The following SEC24C variants were observed in gnomAD, a reference collection of about 807,000 sequenced individuals.
SEC24C encodes the protein SEC24 homolog C, COPII component.
In SEC24C, 22 loss-of-function variants were observed where a neutral mutation model predicts 117.0. That is an observed-to-expected ratio of 0.19 (90% CI 0.13 to 0.27). The LOEUF (loss-of-function observed/expected upper bound fraction) is 0.27. Among genes scored for constraint, SEC24C ranks in the 10% least tolerant of loss-of-function variants. The pLI is 1.00. For synonymous variants in SEC24C, 506 were observed against 529.4 expected, an observed-to-expected ratio of 0.96 and a Z score of 0.61; for missense variants, 1,155 against 1,375.1, an observed-to-expected ratio of 0.84 and a Z score of 2.53.
intron 1 of SEC24C, among the ~76,000 whole-genome samples, chr10:73,745,108 A>G (rs1246857303): frequency 1.3e-5 from 2 of 152,130 alleles, no homozygotes; most frequent in African/African-American, 2.4e-5. Context: ...CTTCTAGCAA[A>G]GGGGGAGAGG....
chr10:73,757,256 C>A (rs1351650039), intron 3 of SEC24C, among the ~76,000 whole-genome samples: 2 of 141,878 alleles, frequency 1.4e-5, no homozygotes, highest in Non-Finnish European at 3.1e-5. Context: ...TGCAGTGGCT[C>A]ATGCCTGTAG....
Position 73,769,400 on chromosome 10 carries a change from T to C in SEC24C, c.2478T>C (p.Asn826=). The C allele has an allele frequency of 6.2e-7, 1 of 1,614,146 alleles. No individual in the cohort carries two copies. The highest frequency in any genetic ancestry group is 8.5e-7 in the Non-Finnish European group (1 of 1,180,014). ...CAGQRRLRIH[N]LALNCCTQLA... Reference sequence around the variant, plus strand: ...GGCAGCGTCGGCTCCGCATCCATAATCTGGCCCTGAACTGCTGCACCCAGC... The same window carrying C: ...GGCAGCGTCGGCTCCGCATCCATAACCTGGCCCTGAACTGCTGCACCCAGC... Residue 826 remains asparagine (N), a synonymous_variant, in exon 18 of 23, where the codon AAT becomes AAC. Coordinates refer to ENST00000345254, the MANE Select transcript of SEC24C (RefSeq NM_198597.3). This position sits in a 1 kb window ranked among gnomAD's most constrained non-coding sequence, Gnocchi z 4.5.
At chr10:73,757,920 CAAAAAAAAA>C (rs61625607) in intron 3 of SEC24C, among the ~76,000 whole-genome samples, 1 of 38,876 alleles carries the variant, frequency 2.6e-5, no homozygotes, top group African/African-American at 1.2e-4. Context: ...GACCCTGTCT[CAAAAAAAAA>C]AAAAAAAAAA....
intron 1 of SEC24C, among the ~76,000 whole-genome samples, chr10:73,746,358 A>G (rs2082553084): frequency 6.6e-6 from 1 of 152,196 alleles, no homozygotes; most frequent in Non-Finnish European, 1.5e-5. Flanking sequence ...TTGATTTTAA[A>G]TCAATTGTTC....
intron 16 of SEC24C, 22 bp downstream of exon 16, chr10:73,768,928 G>A (rs2132577855): frequency 6.2e-7 from 1 of 1,614,186 alleles, no homozygotes; most frequent in South Asian, 1.1e-5. Flanking sequence ...TTGAAGAGCA[G>A]GTTGGGGGGC....
intron 2 of SEC24C, 58 bp downstream of exon 2, chr10:73,747,062 G>A (rs2082565840): frequency 2.6e-6 from 4 of 1,531,202 alleles, no homozygotes; most frequent in South Asian, 2.5e-5. Context: ...GAGTCTTCAG[G>A]TTGGGTTGTA....
chr10:73,766,738 T>C, intron 12 of SEC24C, 22 bp from the exon 13 acceptor site: 1 of 1,610,456 alleles, frequency 6.2e-7, no homozygotes. Flanking sequence ...TTTTGGTTGT[T>C]TTCCGTCACC....
At chr10:73,766,987 T>A in intron 13 of SEC24C, 67 bp from the exon 14 acceptor site, 1 of 1,435,498 alleles carries the variant, frequency 7.0e-7, no homozygotes, top group Non-Finnish European at 9.8e-7. Flanking sequence ...TAGCTGGTGC[T>A]TAATAAATGA....
At chr10:73,766,273 G>A in intron 11 of SEC24C, 63 bp downstream of exon 11, 1 of 1,585,890 alleles carries the variant, frequency 6.3e-7, no homozygotes, top group Non-Finnish European at 8.6e-7. Context: ...GTTGACTGAA[G>A]AAATGTAGCT....
intron 3 of SEC24C, among the ~76,000 whole-genome samples, chr10:73,757,086 A>AT (rs972692778): frequency 2.2e-5 from 3 of 136,648 alleles, no homozygotes; most frequent in African/African-American, 8.3e-5. Context: ...TAATTTTTGT[A>AT]TTTTTTTAGT....
rs1461419244 is a variant in SEC24C at position 73,765,446 on chromosome 10, C to A, written c.1228-5C>A. ...ATGTCTGATCCCTTCCCCTTTGCGC[C>A]TTAGGCTTCACCGTATGTTGTGGAC... On this transcript the variant is annotated splice_polypyrimidine_tract_variant and splice_region_variant and intron_variant, in intron 8 of 22. Coordinates refer to ENST00000345254, the MANE Select transcript of SEC24C (RefSeq NM_198597.3). 1.9e-6 allele frequency: 3 copies of A among 1,608,986 alleles called. No individual in the cohort carries two copies. In the South Asian group the frequency reaches 3.3e-5, roughly 18 times the overall value.
chr10:73,771,413 T>C lies in SEC24C; in HGVS notation c.*318T>C. On this transcript the variant is annotated 3_prime_UTR_variant, in exon 23 of 23. Transcript: ENST00000345254. ...AGGCACCCAGACCCTGGCAATATTA[T>C]GTGTCCCTTTGGACCAGTCTCCCAA... 1 of 288,552 alleles carries C rather than the reference T, an allele frequency of 3.5e-6. No individual in the cohort carries two copies. The highest frequency in any genetic ancestry group is 6.6e-6 in the Non-Finnish European group (1 of 150,850). 17.9% of individuals were successfully genotyped at this position (288,552 alleles called of 1,614,324 possible).
Position 73,763,219 on chromosome 10 carries a change from TG to T in SEC24C, c.988-265del, listed in dbSNP as rs568730206. On this transcript the variant is annotated intron_variant, in intron 6 of 22. Transcript: ENST00000345254. ...GGAATGAGAGGGTGTTCACCATTGA[TG>T]GGGGGTAGGGGGCAATTCATAAAGA... 6.7e-3 allele frequency among the ~76,000 whole-genome samples: 1,024 copies of T among 151,992 alleles called. 11 individuals carry two copies. Among genetic ancestry groups the T allele is most frequent in the African/African-American group, 0.024 (975 of 41,420 alleles).
intron 2 of SEC24C, among the ~76,000 whole-genome samples, chr10:73,747,899 T>C (rs952829879): frequency 1.3e-5 from 2 of 151,956 alleles, no homozygotes; most frequent in African/African-American, 4.8e-5. Flanking sequence ...CCTCAAGTGA[T>C]CCACCCACCT....
chr10:73,760,372 A>C lies in SEC24C; in HGVS notation c.836A>C (p.Gln279Pro). Residue 279 changes from glutamine to proline, a missense_variant, in exon 5 of 23, where the codon CAG (glutamine) becomes CCG (proline). Transcript: ENST00000345254. ...CACTCCCCGCAGCAGCCAGGCTATC[A>C]GCCCCAACAAAATGGTGAGTCTTTC... is the stretch of plus-strand genomic sequence containing the variant. Reference protein sequence around the residue: ...PMHSPQQPGYQPQQNGSFGPA... With the variant: ...PMHSPQQPGYPPQQNGSFGPA... 6.3e-7 allele frequency: 1 copy of C among 1,592,902 alleles called. No homozygotes were observed.
rs1230434651 is a variant in SEC24C at position 73,759,757 on chromosome 10, T to C, written c.444T>C (p.Ala148=). Residue 148 remains alanine, a synonymous_variant, in exon 4 of 23, where the codon GCT becomes GCC. Transcript: ENST00000345254. ...TQLSGMQISG[A]VAPAPPSSGL... ...TGTCTGGAATGCAGATCAGCGGTGC[T>C]GTGGCCCCAGCCCCTCCTTCTTCAG... 2 of 1,603,660 alleles carry C rather than the reference T, an allele frequency of 1.2e-6. No individual in the cohort carries two copies. Among genetic ancestry groups the C allele is most frequent in the Non-Finnish European group, 1.7e-6 (2 of 1,176,746 alleles).
rs1196766375 is a variant in SEC24C, at chr10:73,747,012, T to G, written c.172+8T>G. 2 of 1,609,028 alleles carry G rather than the reference T, an allele frequency of 1.2e-6. No individual in the cohort carries two copies. Among genetic ancestry groups the G allele is most frequent in the South Asian group, 2.2e-5 (2 of 90,064 alleles). ...AGCAAACACCTCCCCAAGGTATGTT[T>G]CTGTTTCTGTTTCCTTTGAGCTAGG... is the stretch of plus-strand genomic sequence containing the variant. On this transcript the variant is annotated splice_region_variant and intron_variant, in intron 2 of 22. Coordinates refer to ENST00000345254, the MANE Select transcript of SEC24C (RefSeq NM_198597.3).
At position 73,769,217 on chromosome 10, in the gene SEC24C, G is replaced by T. The variant is rs1228725883; in HGVS notation, c.2424+65G>T. 6.3e-7 allele frequency: 1 copy of T among 1,599,074 alleles called. No individual in the cohort carries two copies. The highest frequency in any genetic ancestry group is 8.5e-7 in the Non-Finnish European group (1 of 1,172,114). On this transcript the variant is annotated intron_variant, in intron 17 of 22. Transcript: ENST00000345254. This position sits in a 1 kb window ranked among gnomAD's most constrained non-coding sequence, Gnocchi z 4.5. ...TTCGCTTGGTATAGAAGAGGGTGAG[G>T]AATGGGTAGAGAGCACTAAAAGAAG...
In SEC24C at chr10:73,769,169, G is replaced by A. The variant is rs768097058; in HGVS notation, c.2424+17G>A. The A allele has an allele frequency of 6.4e-5, 103 of 1,613,324 alleles. 1 individual carries two copies. In the East Asian group the frequency reaches 1.0e-3, roughly 16 times the overall value. The stretch of plus-strand genomic sequence containing the variant: ...CTCCTGCAGGTGGCAGGCGGGAGGC[G>A]GGGCTGGGCAGGAAGTGTTTCATTC... On this transcript the variant is annotated intron_variant, in intron 17 of 22. Transcript: ENST00000345254. The surrounding 1 kb of genome is among the most constrained non-coding windows in gnomAD (Gnocchi z 4.5).
Sources: allele counts gnomAD v4.1 joint callset (sites outside exome capture counted in the v4.1 genomes callset), GRCh38; gene constraint gnomAD v4.1.1; non-coding constraint Gnocchi (gnomAD v3.1); transcripts MANE v1.5; gene names NCBI Gene and HGNC (gene_info 2026-07-23, HGNC 2026-07-21).